SMG1: variants seen among roughly 807,000 people sequenced by gnomAD.
SMG1 encodes the protein serine/threonine-protein kinase SMG1.
A neutral mutation model predicts 419.9 loss-of-function variants in SMG1; 22 were observed. The observed-to-expected ratio is 0.05, with a 90% CI of 0.04 to 0.07. The LOEUF (loss-of-function observed/expected upper bound fraction) is 0.07, where lower values mean the gene tolerates loss of function less well. Ranked by LOEUF, SMG1 falls within the 10% of genes least tolerant of loss-of-function variation. The probability of loss-of-function intolerance (pLI) is 1.00; values close to 1 mark genes in which losing one functional copy is unlikely to be tolerated. For synonymous variants in SMG1, 1,538 were observed against 1,553.5 expected (o/e 0.99, Z 0.23); for missense variants, 3,185 against 4,342.0 (o/e 0.73, Z 7.49).
In SMG1 at chr16:18,870,677, T is replaced by G; in HGVS notation, c.2425A>C (p.Ser809Arg). ...AATGCTTGTCGAATACGAGTTCCAC[T>G]GTGCACTAGTTGAACACGGCAAACA... ...VDVCRVQLVH[S>R]GTRIRQAFGK... The change falls in exon 18 of 63, where the codon AGT (serine) becomes CGT (arginine). Residue 809 changes from serine to arginine, a missense_variant. Around this residue, in one of 27 missense-constraint regions of SMG1, gnomAD observed 297 missense variants for 491.0 expected, o/e 0.60. Coordinates refer to ENST00000446231, the MANE Select transcript of SMG1 (RefSeq NM_015092.5). 1.9e-6 allele frequency: 3 copies of G among 1,609,190 alleles called. No individual in the cohort carries two copies. The highest frequency in any genetic ancestry group is 2.3e-4 in the Middle Eastern group (1 of 4,428).
At chr16:18,908,839 C>G (rs1191772210) in intron 1 of SMG1, among the ~76,000 whole-genome samples, 3 of 150,872 alleles carry the variant, frequency 2.0e-5, no homozygotes, top group African/African-American at 7.3e-5. Context: ...GAGATCACGC[C>G]GCTGCACTCC....
rs551995965 is a variant in SMG1, at chr16:18,834,318, G to A, written c.8451C>T (p.Cys2817=). The change falls in exon 50 of 63, where the codon TGC becomes TGT. Residue 2817 remains cysteine (C), a synonymous_variant. Transcript: ENST00000446231. ...ELCSMSGNVT[C]LVQLLKQCHL... ...GGCACTGCTTCAGTAACTGAACCAA[G>A]CAGGTGACGTTTCCGCTCATACTGC... is the stretch of plus-strand genomic sequence containing the variant. 2 of 1,613,354 alleles carry A rather than the reference G, an allele frequency of 1.2e-6. No homozygotes were observed. The highest frequency in any genetic ancestry group is 1.7e-5 in the Admixed American group (1 of 59,928).
intron 13 of SMG1, among the ~76,000 whole-genome samples, chr16:18,873,792 C>T (rs2035955584): frequency 6.6e-6 from 1 of 152,092 alleles, no homozygotes. Flanking sequence ...CACACCCTGC[C>T]ACTCTACACC....
Position 18,869,212 on chromosome 16 carries a change from C to T in SMG1, c.2725G>A (p.Asp909Asn), listed in dbSNP as rs1213767778. Residue 909 changes from aspartate to asparagine, a missense_variant, in exon 20 of 63, where the codon GAT becomes AAT. Asp to Asn is a conservative substitution (Grantham distance 23). Around this residue, in one of 27 missense-constraint regions of SMG1, gnomAD observed 48 missense variants for 48.8 expected, o/e 0.98. Transcript: ENST00000446231. The part of the protein sequence containing the change: ...STIPRNLLKT[D>N]AVLWQWAIWE... ...ATGGCCCACTGCCAAAGGACAGCAT[C>T]TGTCTTCAGGAGATTGCGTGGAATT... The T allele has an allele frequency of 6.2e-7, 1 of 1,611,770 alleles. No individual in the cohort carries two copies.
chr16:18,838,538 AC>A lies in SMG1; in HGVS notation c.7084+12del. 6.2e-7 allele frequency: 1 copy of A among 1,613,832 alleles called. No homozygotes were observed. Among genetic ancestry groups the A allele is most frequent in the South Asian group, 1.1e-5 (1 of 91,086 alleles). ...TTTGGCCCTCATAAATGTAAAGTCTACTTTTATATTACCTTTTTCAAAGCAA... is the reference window on the plus strand; with the variant it reads ...TTTGGCCCTCATAAATGTAAAGTCTATTTTATATTACCTTTTTCAAAGCAA... On this transcript the variant is annotated intron_variant, in intron 43 of 62. Transcript: ENST00000446231.
intron 16 of SMG1, 116 bp downstream of exon 16, chr16:18,871,248 G>A (rs1160770050): frequency 3.0e-5 from 17 of 559,560 alleles, no homozygotes; most frequent in Admixed American, 1.1e-4. Context: ...ATTAAAATGA[G>A]GATTACACAT....
intron 1 of SMG1, among the ~76,000 whole-genome samples, chr16:18,898,197 A>ACAGAATGCAG (rs1227091075): frequency 3.0e-4 from 46 of 152,208 alleles, no homozygotes; most frequent in Non-Finnish European, 5.7e-4. Flanking sequence ...CACTGTTAAT[A>ACAGAATGCAG]CAGAATGCAG....
chr16:18,866,003 AG>A (rs1309840593), intron 23 of SMG1: 3 of 152,664 alleles, frequency 2.0e-5, no homozygotes, highest in Admixed American at 6.5e-5. Flanking sequence ...TGGGAAAAAC[AG>A]ATCATAAAAC....
chr16:18,850,450 A>G lies in SMG1; in HGVS notation c.5070T>C (p.Leu1690=). Residue 1690 remains leucine, a synonymous_variant, in exon 34 of 63, where the codon CTT becomes CTC. Coordinates refer to ENST00000446231, the MANE Select transcript of SMG1 (RefSeq NM_015092.5). ...PAGIQDEDIT[L]QITESEDNEE... ...CGTTGTCTTCACTCTCAGTTATCTG[A>G]AGTGTTATATCTTCATCCTGAAGAA... The G allele has an allele frequency of 6.2e-7, 1 of 1,612,492 alleles. No homozygotes were observed. Among genetic ancestry groups the G allele is most frequent in the Middle Eastern group, 1.6e-4 (1 of 6,062 alleles).
intron 35 of SMG1, 134 bp downstream of exon 35, chr16:18,849,815 C>T: frequency 1.2e-6 from 1 of 814,098 alleles, no homozygotes; most frequent in Non-Finnish European, 1.9e-6. Flanking sequence ...ACAAGCAGTG[C>T]AGGGTGTCCT....
chr16:18,859,943 G>A (rs943033123), intron 26 of SMG1, among the ~76,000 whole-genome samples: 1 of 152,192 alleles, frequency 6.6e-6, no homozygotes. Flanking sequence ...TCGAGGCCAG[G>A]CGTGGTGGCT....
Position 18,853,658 on chromosome 16 carries a change from T to C in SMG1, c.4693A>G (p.Ile1565Val). The change falls in exon 31 of 63, where the codon ATA becomes GTA. Residue 1565 changes from isoleucine (I) to valine (V), a missense_variant. This residue lies in a region of SMG1 where 493 missense variants were observed against 552.9 expected (regional missense o/e 0.89). Transcript: ENST00000446231. ...GATGGCAGTTCTATTAGAGTGAGTATGTTTTTAGACAAAGTAGAAAGACCT... is the reference window on the plus strand; with the variant it reads ...GATGGCAGTTCTATTAGAGTGAGTACGTTTTTAGACAAAGTAGAAAGACCT... ...FTGLSTLSKN[I>V]LTLIELPSVN... 2.5e-6 allele frequency: 4 copies of C among 1,612,736 alleles called. No homozygotes were observed. The highest frequency in any genetic ancestry group is 3.4e-6 in the Non-Finnish European group (4 of 1,179,298).
chr16:18,854,843 A>G lies in SMG1; in HGVS notation c.4296T>C (p.Ala1432=), dbSNP rs751008447. The change falls in exon 30 of 63, where the codon GCT becomes GCC. Residue 1432 remains alanine (A), a synonymous_variant. Coordinates refer to ENST00000446231, the MANE Select transcript of SMG1 (RefSeq NM_015092.5). ...MELGLTAAKF[A]RKRGNVSLAT... ...CAAGGGACACATTCCCTCGTTTTCT[A>G]GCAAATTTTGCTGCTGTTAGACCTA... The G allele has an allele frequency of 1.1e-5, 18 of 1,613,916 alleles. No homozygotes were observed. The highest frequency in any genetic ancestry group is 3.3e-4 in the Middle Eastern group (2 of 6,084).
At chr16:18,894,929 T>C (rs1471688853) in intron 3 of SMG1, among the ~76,000 whole-genome samples, 5 of 152,104 alleles carry the variant, frequency 3.3e-5, no homozygotes, top group Non-Finnish European at 7.4e-5. Flanking sequence ...GCCAGTCTCC[T>C]GCCTCAGCCT....
chr16:18,829,430 C>T lies in SMG1; in HGVS notation c.9459G>A (p.Gln3153=), dbSNP rs745467299. 1 of 1,613,898 alleles carries T rather than the reference C, an allele frequency of 6.2e-7. No homozygotes were observed. Among genetic ancestry groups the T allele is most frequent in the Admixed American group, 1.7e-5 (1 of 60,002 alleles). The change falls in exon 54 of 63, where the codon CAG becomes CAA. Residue 3153 remains glutamine, a synonymous_variant. Coordinates refer to ENST00000446231, the MANE Select transcript of SMG1 (RefSeq NM_015092.5). Reference sequence around the variant, plus strand: ...ACACAGTTGCCCTGTTCATAACCAGCTGAGAGAACTTCCCTATCTGGATGT... The same window carrying T: ...ACACAGTTGCCCTGTTCATAACCAGTTGAGAGAACTTCCCTATCTGGATGT... ...EHNIQIGKFS[Q]LVMNRATVLA... is the part of the protein sequence containing the mutation.
Position 18,868,248 on chromosome 16 carries a change from A to T in SMG1, c.3137T>A (p.Val1046Glu). Residue 1046 changes from valine to glutamate, a missense_variant, in exon 22 of 63, where the codon GTG (valine) becomes GAG (glutamate). Physicochemically the swap from Val to Glu is moderately radical, Grantham distance 121. Transcript: ENST00000446231. ...RVGLLAGQPAVTVRHGFDLLT... is the reference protein window; with the variant it reads ...RVGLLAGQPAETVRHGFDLLT... Reference sequence around the variant, plus strand: ...CAAGTCAAAGCCATGTCTCACTGTCACTGCAGGCTGGCCTGCCAACAATCC... The same window carrying T: ...CAAGTCAAAGCCATGTCTCACTGTCTCTGCAGGCTGGCCTGCCAACAATCC... The T allele has an allele frequency of 6.5e-7, 1 of 1,541,376 alleles. No individual in the cohort carries two copies. Among genetic ancestry groups the T allele is most frequent in the Non-Finnish European group, 8.7e-7 (1 of 1,147,124 alleles).
rs1205379559 is a variant in SMG1, at chr16:18,806,166, C to A, written c.*3403G>T. ...TGCTCGGCATTTTTAAAAAATGGCTCTTTCCTTAAATTTCACACGTCAGAA... is the reference window on the plus strand; with the variant it reads ...TGCTCGGCATTTTTAAAAAATGGCTATTTCCTTAAATTTCACACGTCAGAA... On this transcript the variant is annotated 3_prime_UTR_variant, in exon 63 of 63. Transcript: ENST00000446231. The A allele has an allele frequency of 1.3e-5, 2 of 152,506 alleles. No individual in the cohort carries two copies. Among genetic ancestry groups the A allele is most frequent in the Non-Finnish European group, 2.9e-5 (2 of 68,016 alleles). The allele number at this position is 152,506 out of a possible 1,614,324, so 9.4% of individuals were successfully genotyped here.
At position 18,811,867 on chromosome 16, in the gene SMG1, G is replaced by C; in HGVS notation, c.10802C>G (p.Ala3601Gly). ...TGCATAGGAGTTTCTCTCTTGCACC[G>C]CTATGAAGCAACAAAAACATACGTA... The part of the protein sequence containing the change: ...KAVRDPKTGK[A>G]VQERNSYAVS... The change falls in exon 62 of 63, where the codon GCG becomes GGG. Residue 3601 changes from alanine to glycine, a missense_variant and splice_region_variant. Physicochemically the swap from Ala to Gly is moderately conservative, Grantham distance 60. Around this residue, in one of 27 missense-constraint regions of SMG1, gnomAD observed 41 missense variants for 78.7 expected, o/e 0.52. Transcript: ENST00000446231. 2 of 1,613,656 alleles carry C rather than the reference G, an allele frequency of 1.2e-6. No individual in the cohort carries two copies. Among genetic ancestry groups the C allele is most frequent in the Non-Finnish European group, 1.7e-6 (2 of 1,179,808 alleles).
chr16:18,909,388 C>T lies in SMG1; in HGVS notation c.93-12432G>A, dbSNP rs181567772. 1.8e-3 allele frequency among the ~76,000 whole-genome samples: 270 copies of T among 151,578 alleles called. 2 individuals carry two copies. The highest frequency in any genetic ancestry group is 6.0e-3 in the African/African-American group (248 of 41,358). On this transcript the variant is annotated intron_variant, in intron 1 of 62. Coordinates refer to ENST00000446231, the MANE Select transcript of SMG1 (RefSeq NM_015092.5). ...TAAAATAAATAAAAATAAAAATAAT[C>T]CTAGGCCAAGCCAGCTGCAGTAGCT...
Sources: allele counts gnomAD v4.1 joint callset (sites outside exome capture counted in the v4.1 genomes callset), GRCh38; gene constraint gnomAD v4.1.1; regional missense constraint gnomAD v4.1.1; transcripts MANE v1.5; gene names NCBI Gene and HGNC (gene_info 2026-07-23, HGNC 2026-07-21).